The following ACTR3B variants were observed in gnomAD, a reference collection of about 807,000 sequenced individuals.
ACTR3B encodes actin related protein 3B.
In ACTR3B, 8 loss-of-function variants were observed where a neutral mutation model predicts 59.0. The observed-to-expected ratio is 0.14, with a 90% CI of 0.08 to 0.24. The LOEUF is 0.24. ACTR3B is among the 10% of genes least tolerant of loss of function. The probability of loss-of-function intolerance (pLI) is 1.00; values close to 1 mark genes in which losing one functional copy is unlikely to be tolerated. For synonymous variants in ACTR3B, 148 were observed against 197.9 expected, an observed-to-expected ratio of 0.75 and a Z score of 2.12; for missense variants, 245 against 552.3, an observed-to-expected ratio of 0.44 and a Z score of 5.58.
intron 9 of ACTR3B, among the ~76,000 whole-genome samples, chr7:152,844,104 T>G (rs1436407771): frequency 9.9e-5 from 15 of 151,668 alleles, no homozygotes; most frequent in Non-Finnish European, 1.6e-4. Flanking sequence ...GTTGCCCAGG[T>G]TGGAGTGTAA....
chr7:152,796,648 A>G (rs1268088744), intron 2 of ACTR3B, among the ~76,000 whole-genome samples: 1 of 116,214 alleles, frequency 8.6e-6, no homozygotes, highest in Non-Finnish European at 2.0e-5. Flanking sequence ...TTCATGAAGT[A>G]GCTGTGCAGA....
intron 4 of ACTR3B, among the ~76,000 whole-genome samples, chr7:152,808,357 T>C (rs2098258976): frequency 6.6e-6 from 1 of 151,488 alleles, no homozygotes; most frequent in African/African-American, 2.4e-5. Flanking sequence ...TGCCTTTCTC[T>C]TTTGGTTATT....
At chr7:152,813,949 T>A (rs1795483960) in intron 4 of ACTR3B, 1 of 69,740 alleles carries the variant, frequency 1.4e-5, no homozygotes, top group African/African-American at 3.9e-5. Flanking sequence ...CGTCTCTGAA[T>A]GAGCAGAGTT....
intron 1 of ACTR3B, among the ~76,000 whole-genome samples, chr7:152,772,313 G>A (rs62494305): frequency 0.4 from 54,433 of 136,986 alleles, 11,372 homozygotes; most frequent in Non-Finnish European, 0.47. Flanking sequence ...GAGCCCAGGA[G>A]TTGGAGAACA....
intron 10 of ACTR3B, among the ~76,000 whole-genome samples, chr7:152,852,998 A>AG (rs1294217778): frequency 6.6e-6 from 1 of 151,946 alleles, no homozygotes; most frequent in Non-Finnish European, 1.5e-5. Context: ...TCACCGTGTT[A>AG]GCCAGGATGG....
At chr7:152,820,534 T>C in intron 7 of ACTR3B, 92 bp downstream of exon 7, 1 of 1,489,580 alleles carries the variant, frequency 6.7e-7, no homozygotes, top group Non-Finnish European at 9.0e-7. Context: ...GCTCCTCCTT[T>C]CCTTCCTCTC....
intron 2 of ACTR3B, among the ~76,000 whole-genome samples, chr7:152,796,148 G>C (rs575473533): frequency 7.2e-5 from 11 of 152,228 alleles, no homozygotes; most frequent in African/African-American, 2.6e-4. Context: ...CCCGGCCTTA[G>C]CAGCTCTTTC....
intron 3 of ACTR3B, 86 bp downstream of exon 3, chr7:152,800,741 G>A (rs1590297431): frequency 1.0e-5 from 15 of 1,481,350 alleles, no homozygotes; most frequent in South Asian, 2.6e-5. Flanking sequence ...TTGTATTTGC[G>A]AGTTGTAGAA....
In ACTR3B at chr7:152,854,145, A is replaced by G. The variant is rs1283050632; in HGVS notation, c.1162-313A>G. Among the ~76,000 whole-genome samples the G allele has an allele frequency of 6.6e-6, 1 of 152,232 alleles. No homozygotes were observed. The highest frequency in any genetic ancestry group is 1.5e-5 in the Non-Finnish European group (1 of 68,042). ...AAATAATCTAAAAAAGTCCTGCATTAATCATTAATTCCAGTGACTTTTCCA... is the reference window on the plus strand; with the variant it reads ...AAATAATCTAAAAAAGTCCTGCATTGATCATTAATTCCAGTGACTTTTCCA... On this transcript the variant is annotated intron_variant, in intron 11 of 11. Coordinates refer to ENST00000256001, the MANE Select transcript of ACTR3B (RefSeq NM_020445.6). The surrounding 1 kb of genome is among the most constrained non-coding windows in gnomAD (Gnocchi z 4.9).
chr7:152,814,803 G>A (rs1795556995), intron 5 of ACTR3B, among the ~76,000 whole-genome samples, 158 bp downstream of exon 5: 2 of 152,102 alleles, frequency 1.3e-5, no homozygotes, highest in South Asian at 4.1e-4. Context: ...TATAGGGAAC[G>A]TGTCCCATGA....
intron 1 of ACTR3B, among the ~76,000 whole-genome samples, chr7:152,777,557 T>G (rs1031200148): frequency 4.6e-5 from 7 of 152,250 alleles, no homozygotes; most frequent in African/African-American, 1.7e-4. Flanking sequence ...GTTGTTGATT[T>G]CTGTCTATTC....
rs1490321900 is a variant in ACTR3B at position 152,759,759 on chromosome 7, C to G, written c.-124C>G. 4 of 742,678 alleles carry G rather than the reference C, an allele frequency of 5.4e-6. No individual in the cohort carries two copies. The highest frequency in any genetic ancestry group is 5.5e-5 in the Admixed American group (1 of 18,310). The allele number at this position is 742,678 out of a possible 1,614,324, so 46.0% of individuals were successfully genotyped here. A position where few individuals can be genotyped will look rare whatever the true frequency, so the allele number is the denominator to read the frequency against. On this transcript the variant is annotated 5_prime_UTR_variant, in exon 1 of 12. Coordinates refer to ENST00000256001, the MANE Select transcript of ACTR3B (RefSeq NM_020445.6). ...ACGTGTCGGCCGCCGAGCATCCGGGCTCCCGGCAGCGGCGCTGCGGCGGCT... is the reference window on the plus strand; with the variant it reads ...ACGTGTCGGCCGCCGAGCATCCGGGGTCCCGGCAGCGGCGCTGCGGCGGCT...
chr7:152,821,472 G>GA (rs376567031), intron 7 of ACTR3B, among the ~76,000 whole-genome samples: 4,069 of 135,484 alleles, frequency 0.03, 55 homozygotes, highest in African/African-American at 0.084. Context: ...TTTCAAAAAA[G>GA]AAAAAAAAAA....
intron 9 of ACTR3B, among the ~76,000 whole-genome samples, chr7:152,833,444 A>G (rs1013875766): frequency 6.6e-6 from 1 of 152,198 alleles, no homozygotes; most frequent in African/African-American, 2.4e-5. Context: ...AACACAATAT[A>G]GAAAGAGCAG....
At chr7:152,822,961 C>T (rs1470050713) in intron 7 of ACTR3B, among the ~76,000 whole-genome samples, 4 of 152,190 alleles carry the variant, frequency 2.6e-5, no homozygotes, top group Non-Finnish European at 4.4e-5. Context: ...AGCACGGGTC[C>T]GCTGGTCCAG....
At chr7:152,800,094 T>C (rs1205746058) in intron 2 of ACTR3B, among the ~76,000 whole-genome samples, 1 of 152,254 alleles carries the variant, frequency 6.6e-6, no homozygotes, top group Admixed American at 6.5e-5. Context: ...AAGTACATTT[T>C]AAGGCTATGT....
rs1314812716 is a variant in ACTR3B, at chr7:152,854,070, C to T, written c.1162-388C>T. Among the ~76,000 whole-genome samples the T allele has an allele frequency of 2.0e-5, 3 of 152,294 alleles. No homozygotes were observed. The highest frequency in any genetic ancestry group is 6.5e-5 in the Admixed American group (1 of 15,300). On this transcript the variant is annotated intron_variant, in intron 11 of 11. Coordinates refer to ENST00000256001, the MANE Select transcript of ACTR3B (RefSeq NM_020445.6). This position sits in a 1 kb window ranked among gnomAD's most constrained non-coding sequence, Gnocchi z 4.9. ...TAATAATCACACAACACATTTATCA[C>T]GTGTCCTTGCTAATTAGGGGTTACA... is the stretch of plus-strand genomic sequence containing the variant.
intron 6 of ACTR3B, among the ~76,000 whole-genome samples, chr7:152,818,070 A>G (rs190217812): frequency 8.3e-4 from 126 of 152,226 alleles, no homozygotes; most frequent in Non-Finnish European, 1.5e-3. Context: ...CTTTCTGTGG[A>G]TCTTGAGAAG....
intron 9 of ACTR3B, among the ~76,000 whole-genome samples, chr7:152,843,152 A>T (rs1207236473): frequency 6.6e-6 from 1 of 151,324 alleles, no homozygotes; most frequent in Admixed American, 6.6e-5. Flanking sequence ...TTGTCTTTTC[A>T]TATTCTTGGT....
Sources: gnomAD v4.1 joint callset for allele counts (sites outside exome capture counted in the v4.1 genomes callset) on GRCh38, gnomAD v4.1.1 for gene constraint, Gnocchi (gnomAD v3.1) non-coding constraint, MANE v1.5 for transcripts, NCBI Gene and HGNC (gene_info 2026-07-23, HGNC 2026-07-21) for gene names.